Variants in SDK1 observed in about 807,000 individuals in gnomAD.
SDK1 encodes protein sidekick-1.
SDK1 carries 157 observed loss-of-function variants against 245.5 expected under a neutral mutation model. The ratio of observed to expected loss-of-function variants is 0.64; its 90% CI spans 0.56 to 0.73. The LOEUF is 0.73. Ranked by LOEUF, SDK1 falls within the 30% of genes least tolerant of loss-of-function variation. The pLI is 0.00. For missense variants in SDK1, 3,583 were observed against 3,002.3 expected (o/e 1.19, Z -4.52); for synonymous variants, 1,647 against 1,278.5 (o/e 1.29, Z -6.15).
intron 1 of SDK1, among the ~76,000 whole-genome samples, chr7:3,573,868 A>G (rs997392724): frequency 6.6e-6 from 1 of 150,958 alleles, no homozygotes; most frequent in Non-Finnish European, 1.5e-5. Context: ...ATTAAAAAAT[A>G]AATAAATAAA....
At chr7:3,827,390 G>A (rs537281421) in intron 5 of SDK1, among the ~76,000 whole-genome samples, 52 of 152,300 alleles carry the variant, frequency 3.4e-4, no homozygotes, top group African/African-American at 1.2e-3. Context: ...GAAGGCTCGT[G>A]TCTTACTCAT....
In SDK1 at chr7:3,729,271, A is replaced by G. The variant is rs376857226; in HGVS notation, c.713+87166A>G. 5.3e-4 allele frequency among the ~76,000 whole-genome samples: 81 copies of G among 152,352 alleles called. 2 individuals carry two copies. The South Asian group carries it at 0.015, about 28-fold the overall frequency. On this transcript the variant is annotated intron_variant, in intron 4 of 44. Transcript: ENST00000404826. ...CATTTAGATATTCAGGTTTGGGACT[A>G]TGAAGGTCTATTCTCATTCTGGCTA...
chr7:3,802,300 G>T (rs1317970934), intron 4 of SDK1, among the ~76,000 whole-genome samples: 2 of 152,090 alleles, frequency 1.3e-5, no homozygotes, highest in African/African-American at 4.8e-5. Flanking sequence ...GAGGCAGGAG[G>T]ATCACTTGAG....
chr7:3,912,207 G>A (rs1779194930), intron 5 of SDK1, among the ~76,000 whole-genome samples: 1 of 152,194 alleles, frequency 6.6e-6, no homozygotes, highest in Non-Finnish European at 1.5e-5. Context: ...CCGTAATAGA[G>A]AGGATGAGCC....
At chr7:3,351,629 G>T (rs746118958) in intron 1 of SDK1, among the ~76,000 whole-genome samples, 16 of 152,104 alleles carry the variant, frequency 1.1e-4, no homozygotes, top group Non-Finnish European at 1.9e-4. Context: ...AATAAAGCTG[G>T]TATAACATGT....
chr7:4,178,712 G>T, intron 35 of SDK1, 126 bp downstream of exon 35: 1 of 667,718 alleles, frequency 1.5e-6, no homozygotes, highest in Non-Finnish European at 2.6e-6. Context: ...CATTGCTGTC[G>T]GGGCTGAGGT....
chr7:3,334,854 A>C lies in SDK1; in HGVS notation c.298+32970A>C, dbSNP rs1780158678. On this transcript the variant is annotated intron_variant, in intron 1 of 44. Transcript: ENST00000404826. ...AGCTCATAGGCTTCTCACATCTAAT[A>C]TGTTTGAAACCACTCTTGATTTTTC... Among the ~76,000 whole-genome samples, 4 of 152,046 alleles carry C rather than the reference A, an allele frequency of 2.6e-5. No individual in the cohort carries two copies. The South Asian group carries it at 8.3e-4, about 32-fold the overall frequency.
At chr7:4,074,721 G>A (rs887242640) in intron 20 of SDK1, among the ~76,000 whole-genome samples, 2 of 151,126 alleles carry the variant, frequency 1.3e-5, no homozygotes, top group African/African-American at 4.9e-5. Flanking sequence ...AAACTTGCCA[G>A]GCATGGTGGC....
chr7:3,379,382 A>G (rs1261355039), intron 1 of SDK1, among the ~76,000 whole-genome samples: 2 of 152,158 alleles, frequency 1.3e-5, no homozygotes, highest in Non-Finnish European at 2.9e-5. Context: ...AGGGGTTGCC[A>G]TGGAAGTCCA....
chr7:4,239,753 C>T (rs932449676), intron 42 of SDK1, among the ~76,000 whole-genome samples: 2 of 152,208 alleles, frequency 1.3e-5, no homozygotes, highest in East Asian at 1.9e-4. Context: ...TCACCACAAC[C>T]GCTGGGCCAG....
chr7:3,555,897 A>T (rs1233789441), intron 1 of SDK1, among the ~76,000 whole-genome samples: 1 of 152,220 alleles, frequency 6.6e-6, no homozygotes, highest in Admixed American at 6.5e-5. Context: ...AATGGCTTTT[A>T]TCTTAAAGAC....
At position 4,152,208 on chromosome 7, in the gene SDK1, C is replaced by T. The variant is rs1469826380; in HGVS notation, c.4625+2745C>T. On this transcript the variant is annotated intron_variant, in intron 30 of 44. Coordinates refer to ENST00000404826, the MANE Select transcript of SDK1 (RefSeq NM_152744.4). ...AGGCAATCGGAAGAGTCAGACTGTCCGCCAGGTTCCTGCCAGCATCTCACT... is the reference window on the plus strand; with the variant it reads ...AGGCAATCGGAAGAGTCAGACTGTCTGCCAGGTTCCTGCCAGCATCTCACT... Among the ~76,000 whole-genome samples the T allele has an allele frequency of 1.1e-4, 17 of 152,274 alleles. 1 individual carries two copies. Among genetic ancestry groups the T allele is most frequent in the South Asian group, 8.3e-4 (4 of 4,816 alleles).
chr7:4,194,343 T>C (rs1175832329), intron 35 of SDK1, among the ~76,000 whole-genome samples: 1 of 123,290 alleles, frequency 8.1e-6, no homozygotes, highest in Non-Finnish European at 1.6e-5. Flanking sequence ...TGTATACATG[T>C]ATAGATATAT....
chr7:4,229,355 A>G (rs1028735279), intron 40 of SDK1, among the ~76,000 whole-genome samples: 3 of 152,238 alleles, frequency 2.0e-5, no homozygotes, highest in Non-Finnish European at 4.4e-5. Flanking sequence ...TAAAAATGGG[A>G]ACATTTTCTT....
At chr7:3,683,689 C>T (rs796803368) in intron 4 of SDK1, among the ~76,000 whole-genome samples, 10 of 152,324 alleles carry the variant, frequency 6.6e-5, no homozygotes, top group African/African-American at 2.4e-4. Context: ...AGGCAGCTGC[C>T]TGGGGACCTT....
intron 4 of SDK1, among the ~76,000 whole-genome samples, chr7:3,768,566 T>A (rs984576151): frequency 6.6e-6 from 1 of 152,196 alleles, no homozygotes; most frequent in African/African-American, 2.4e-5. Flanking sequence ...TGCTTTACAT[T>A]TGGAATGTCT....
chr7:3,980,131 G>A (rs537812572), intron 13 of SDK1, among the ~76,000 whole-genome samples: 1 of 152,196 alleles, frequency 6.6e-6, no homozygotes, highest in African/African-American at 2.4e-5. Context: ...GTGCATTAAA[G>A]GGCCAATGCT....
At chr7:3,957,558 T>C (rs1781372575) in intron 7 of SDK1, among the ~76,000 whole-genome samples, 2 of 152,192 alleles carry the variant, frequency 1.3e-5, no homozygotes, top group South Asian at 4.1e-4. Flanking sequence ...GTTTTTTTCC[T>C]TTTTCCTTCC....
intron 4 of SDK1, among the ~76,000 whole-genome samples, chr7:3,777,993 A>G (rs1780615770): frequency 2.0e-5 from 3 of 152,076 alleles, no homozygotes; most frequent in Non-Finnish European, 1.5e-5. Flanking sequence ...GGCAGCTGAC[A>G]TTTTCTAACA....
Sources: allele counts gnomAD v4.1 joint callset (sites outside exome capture counted in the v4.1 genomes callset), GRCh38; gene constraint gnomAD v4.1.1; transcripts MANE v1.5; gene names NCBI Gene and HGNC (gene_info 2026-07-23, HGNC 2026-07-21).